PELI1: variants seen among roughly 807,000 people sequenced by gnomAD.
PELI1 encodes pellino E3 ubiquitin protein ligase 1, also known as E3 ubiquitin-protein ligase pellino homolog 1.
In PELI1, 15 loss-of-function variants were observed where a neutral mutation model predicts 41.3. That is an observed-to-expected ratio of 0.36 (90% confidence interval 0.24 to 0.56). PELI1 has a LOEUF of 0.56. Ranked by LOEUF, PELI1 falls within the 20% of genes least tolerant of loss-of-function variation. The probability of loss-of-function intolerance (pLI) is 0.82; values close to 1 mark genes in which losing one functional copy is unlikely to be tolerated. For missense variants in PELI1, 403 were observed against 525.5 expected (o/e 0.77, Z 2.28); for synonymous variants, 178 against 180.1 (o/e 0.99, Z 0.09).
In PELI1 at chr2:64,137,922, A is replaced by G. The variant is rs561917924; in HGVS notation, c.-70+6159T>C. ...GTAATGCTAGTATTGTTAAGTGTATAGCTTCCATGGTGACTACTCTAAAGT... is the reference window on the plus strand; with the variant it reads ...GTAATGCTAGTATTGTTAAGTGTATGGCTTCCATGGTGACTACTCTAAAGT... On this transcript the variant is annotated intron_variant, in intron 1 of 6. Transcript: ENST00000358912. Among the ~76,000 whole-genome samples, 26 of 152,280 alleles carry G rather than the reference A, an allele frequency of 1.7e-4. 1 individual carries two copies. In the South Asian group the frequency reaches 5.0e-3, roughly 29 times the overall value.
rs1422456193 is a variant in PELI1, at chr2:64,093,919, C to G, written c.*783G>C. The G allele has an allele frequency of 1.3e-5, 2 of 152,540 alleles. No individual in the cohort carries two copies. The highest frequency in any genetic ancestry group is 4.8e-5 in the African/African-American group (2 of 41,412). The allele number at this position is 152,540 out of a possible 1,614,324, so 9.4% of individuals were successfully genotyped here. ...TTATCATGGGAGAAAAATAGATAAT[C>G]TAGATTAAATTGCATATCCAAAGGA... On this transcript the variant is annotated 3_prime_UTR_variant, in exon 7 of 7. Transcript: ENST00000358912.
Position 64,093,148 on chromosome 2 carries a change from G to C in PELI1, c.*1554C>G, listed in dbSNP as rs1011737357. On this transcript the variant is annotated 3_prime_UTR_variant, in exon 7 of 7. Coordinates refer to ENST00000358912, the MANE Select transcript of PELI1 (RefSeq NM_020651.4). ...AATGATCATTTTTTAAAACAAGGAAGTTTCGACAGTTGAAGTAAAATAAAA... is the reference window on the plus strand; with the variant it reads ...AATGATCATTTTTTAAAACAAGGAACTTTCGACAGTTGAAGTAAAATAAAA... The C allele has an allele frequency of 2.0e-5, 3 of 152,602 alleles. No homozygotes were observed. The highest frequency in any genetic ancestry group is 7.2e-5 in the African/African-American group (3 of 41,442). The allele number at this position is 152,602 out of a possible 1,614,324, so 9.5% of individuals were successfully genotyped here.
rs1446625838 is a variant in PELI1, at chr2:64,109,868, AC to A, written c.-69-1490del. Among the ~76,000 whole-genome samples the A allele has an allele frequency of 2.6e-5, 4 of 152,310 alleles. No homozygotes were observed. The East Asian group carries it at 7.7e-4, about 29-fold the overall frequency. ...TGAAACAAAAAACAGAGCCTTATAG[AC>A]CCGTGCGTGAGACTATAGCAAAATC... On this transcript the variant is annotated intron_variant, in intron 1 of 6. Coordinates refer to ENST00000358912, the MANE Select transcript of PELI1 (RefSeq NM_020651.4).
At chr2:64,108,531 A>G (rs1176336147) in intron 1 of PELI1, among the ~76,000 whole-genome samples, 152 bp from the exon 2 acceptor site, 3 of 152,242 alleles carry the variant, frequency 2.0e-5, no homozygotes, top group African/African-American at 4.8e-5. Flanking sequence ...TAATGATTAT[A>G]TATTTTACAA....
intron 1 of PELI1, among the ~76,000 whole-genome samples, chr2:64,126,949 G>C (rs1681409218): frequency 6.6e-6 from 1 of 152,214 alleles, no homozygotes; most frequent in East Asian, 1.9e-4. Context: ...AAGTAAGTTT[G>C]TGGAAATCAT....
intron 1 of PELI1, among the ~76,000 whole-genome samples, chr2:64,110,263 A>G (rs894153233): frequency 3.1e-4 from 45 of 145,728 alleles, no homozygotes; most frequent in Non-Finnish European, 5.4e-4. Flanking sequence ...AAAAAAAAAA[A>G]AAAAAGAAAA....
intron 1 of PELI1, among the ~76,000 whole-genome samples, chr2:64,131,321 C>CAT (rs1193996121): frequency 1.9e-4 from 29 of 151,012 alleles, no homozygotes; most frequent in African/African-American, 4.9e-4. Context: ...TATATACACA[C>CAT]ATATATATAT....
chr2:64,139,481 G>A (rs1681824764), intron 1 of PELI1, among the ~76,000 whole-genome samples: 1 of 152,042 alleles, frequency 6.6e-6, no homozygotes, highest in Non-Finnish European at 1.5e-5. Context: ...TCTTTGTAGA[G>A]ACAAGGTCTC....
chr2:64,122,647 G>T (rs1482473416), intron 1 of PELI1, among the ~76,000 whole-genome samples: 1 of 152,000 alleles, frequency 6.6e-6, no homozygotes, highest in East Asian at 1.9e-4. Context: ...CTTAGGTCAC[G>T]TTCCTCCATC....
chr2:64,101,569 G>T (rs1315353387), intron 3 of PELI1, among the ~76,000 whole-genome samples: 2 of 152,118 alleles, frequency 1.3e-5, no homozygotes, highest in Non-Finnish European at 2.9e-5. Flanking sequence ...CAGACACAAA[G>T]AAGAGAATAA....
chr2:64,112,930 C>A (rs1256269626), intron 1 of PELI1, among the ~76,000 whole-genome samples: 1 of 151,976 alleles, frequency 6.6e-6, no homozygotes, highest in Non-Finnish European at 1.5e-5. Flanking sequence ...TTCCTACTCA[C>A]TGTCTTTATA....
Position 64,094,276 on chromosome 2 carries a change from T to C in PELI1, c.*426A>G, listed in dbSNP as rs917035000. The C allele has an allele frequency of 6.2e-6, 1 of 160,070 alleles. No homozygotes were observed. The highest frequency in any genetic ancestry group is 2.4e-5 in the African/African-American group (1 of 41,488). 9.9% of individuals were successfully genotyped at this position (160,070 alleles called of 1,614,324 possible). On this transcript the variant is annotated 3_prime_UTR_variant, in exon 7 of 7. Coordinates refer to ENST00000358912, the MANE Select transcript of PELI1 (RefSeq NM_020651.4). ...ATCAAGAACATTCTAAGGTATTTTC[T>C]ATAATAAAGATAAATAGAAAAAAGT...
rs1014559313 is a variant in PELI1, at chr2:64,100,254, A to G, written c.303+144T>C. 3 of 581,614 alleles carry G rather than the reference A, an allele frequency of 5.2e-6. No individual in the cohort carries two copies. In the African/African-American group the frequency reaches 5.6e-5, roughly 11 times the overall value. The allele number at this position is 581,614 out of a possible 1,614,324, so 36.0% of individuals were successfully genotyped here. ...TCTCAACCATGCTAGATTGACTTCT[A>G]TTTATAAGGGTTAGCAATCAATCTA... On this transcript the variant is annotated intron_variant, in intron 4 of 6. Transcript: ENST00000358912.
At chr2:64,143,735 TCCC>T (rs1681998087) in intron 1 of PELI1, among the ~76,000 whole-genome samples, 4 of 152,030 alleles carry the variant, frequency 2.6e-5, no homozygotes, top group Non-Finnish European at 5.9e-5. Context: ...CTTTTGTTTC[TCCC>T]ATTTCCCTCT....
intron 2 of PELI1, among the ~76,000 whole-genome samples, chr2:64,107,882 T>C (rs988785093): frequency 2.0e-5 from 3 of 152,194 alleles, no homozygotes; most frequent in Non-Finnish European, 4.4e-5. Flanking sequence ...TTCACCATGT[T>C]GGCCAGGCTG....
chr2:64,123,713 G>C (rs578193555), intron 1 of PELI1, among the ~76,000 whole-genome samples: 9 of 152,296 alleles, frequency 5.9e-5, no homozygotes, highest in African/African-American at 1.7e-4. Flanking sequence ...AAATGGTGTA[G>C]TTACTTTGGA....
intron 1 of PELI1, among the ~76,000 whole-genome samples, chr2:64,137,644 T>C (rs1324489522): frequency 6.6e-6 from 1 of 152,188 alleles, no homozygotes; most frequent in Non-Finnish European, 1.5e-5. Context: ...TGGGTGGATC[T>C]GACTTTTACA....
intron 1 of PELI1, among the ~76,000 whole-genome samples, chr2:64,137,355 C>G (rs187500122): frequency 1.3e-5 from 2 of 152,070 alleles, no homozygotes; most frequent in South Asian, 4.1e-4. Context: ...TATGCCATAG[C>G]GACAAGACTT....
chr2:64,113,256 C>A (rs983709026), intron 1 of PELI1, among the ~76,000 whole-genome samples: 6 of 151,398 alleles, frequency 4.0e-5, no homozygotes, highest in African/African-American at 1.5e-4. Flanking sequence ...GAGCTGTGAT[C>A]CTCCAGCCTG....
Sources: allele counts gnomAD v4.1 joint callset (sites outside exome capture counted in the v4.1 genomes callset), GRCh38; gene constraint gnomAD v4.1.1; transcripts MANE v1.5; gene names NCBI Gene and HGNC (gene_info 2026-07-23, HGNC 2026-07-21).